Variants in SMARCD1 observed in about 807,000 individuals in gnomAD.
SMARCD1 encodes the protein SWI/SNF related BAF chromatin remodeling complex subunit D1, also known as SWI/SNF-related matrix-associated actin-dependent regulator of chromatin subfamily D member 1.
A neutral mutation model predicts 70.8 loss-of-function variants in SMARCD1; 16 were observed. The ratio of observed to expected loss-of-function variants is 0.23; its 90% confidence interval spans 0.15 to 0.34. The LOEUF is 0.34. Ranked by LOEUF, SMARCD1 falls within the 10% of genes least tolerant of loss-of-function variation. The pLI, the probability that SMARCD1 is intolerant of heterozygous loss-of-function variation, is 1.00. For synonymous variants in SMARCD1, 249 were observed against 246.0 expected, an observed-to-expected ratio of 1.01 and a Z score of -0.11; for missense variants, 409 against 655.5, an observed-to-expected ratio of 0.62 and a Z score of 4.11.
rs974744130 is a variant in SMARCD1 at position 50,100,549 on chromosome 12, T to A, written c.*1549T>A. 6.6e-6 allele frequency: 1 copy of A among 152,622 alleles called. No homozygotes were observed. The highest frequency in any genetic ancestry group is 6.5e-5 in the Admixed American group (1 of 15,286). The allele number at this position is 152,622 out of a possible 1,614,324, so 9.5% of individuals were successfully genotyped here. A position where few individuals can be genotyped will look rare whatever the true frequency, so the allele number is the denominator to read the frequency against. On this transcript the variant is annotated 3_prime_UTR_variant, in exon 13 of 13. Coordinates refer to ENST00000394963, the MANE Select transcript of SMARCD1 (RefSeq NM_003076.5). ...CACAGTGTCCCTGTTGATAACTGTT[T>A]TTATTAACTGAATTGTTTTTTTCAT...
chr12:50,087,289 G>T (rs1950800359), intron 4 of SMARCD1, 74 bp from the exon 5 acceptor site: 1 of 1,564,062 alleles, frequency 6.4e-7, no homozygotes, highest in Non-Finnish European at 8.7e-7. Flanking sequence ...GTAATTTTGG[G>T]GTTTGGGGAG....
At chr12:50,093,175 A>G (rs950874834) in intron 9 of SMARCD1, among the ~76,000 whole-genome samples, 2 of 144,324 alleles carry the variant, frequency 1.4e-5, no homozygotes, top group African/African-American at 2.5e-5. Context: ...GACTCCATCT[A>G]AAAAAAAAAA....
In SMARCD1 at chr12:50,088,567, C is replaced by T; in HGVS notation, c.701C>T (p.Ser234Phe). The T allele has an allele frequency of 6.2e-7, 1 of 1,611,538 alleles. No homozygotes were observed. The highest frequency in any genetic ancestry group is 8.5e-7 in the Non-Finnish European group (1 of 1,178,532). ...GCCACTAAACAAAAGAGGAAGTTCT[C>T]TTCCTTTTTTAAGTCCTTGGTGATT... ...YDATKQKRKF[S>F]SFFKSLVIEL... Residue 234 changes from serine (S) to phenylalanine (F), a missense_variant, in exon 6 of 13, where the codon TCT (serine) becomes TTT (phenylalanine). Physicochemically the swap from Ser to Phe is radical, Grantham distance 155. Around this residue, in one of 2 missense-constraint regions of SMARCD1, gnomAD observed 269 missense variants for 498.6 expected, o/e 0.54. Transcript: ENST00000394963.
At chr12:50,086,997 T>G in intron 4 of SMARCD1, 119 bp downstream of exon 4, 3 of 1,035,434 alleles carry the variant, frequency 2.9e-6, no homozygotes, top group Non-Finnish European at 4.3e-6. Context: ...ATTGCATCTC[T>G]CCCTTCCGCC....
At chr12:50,086,374 G>A (rs762440581) in intron 2 of SMARCD1, 26 bp downstream of exon 2, 3 of 1,482,770 alleles carry the variant, frequency 2.0e-6, no homozygotes, top group Non-Finnish European at 2.8e-6. Flanking sequence ...GGCAGAGGGA[G>A]GGAGGGAGGG....
chr12:50,099,149 A>G lies in SMARCD1; in HGVS notation c.*149A>G, dbSNP rs183342974. On this transcript the variant is annotated 3_prime_UTR_variant, in exon 13 of 13. Transcript: ENST00000394963. Reference sequence around the variant, plus strand: ...AACACCAGAATGAAGAGGGTCTCACAAGACACCTGTTATCCTCTTCTTTCA... The same window carrying G: ...AACACCAGAATGAAGAGGGTCTCACGAGACACCTGTTATCCTCTTCTTTCA... 5.6e-4 allele frequency: 387 copies of G among 693,462 alleles called. 5 individuals are homozygous for G. The highest frequency in any genetic ancestry group is 5.0e-3 in the South Asian group (305 of 61,052). The allele number at this position is 693,462 out of a possible 1,614,324, so 43.0% of individuals were successfully genotyped here.
rs1236760337 is a variant in SMARCD1 at position 50,099,349 on chromosome 12, A to T, written c.*349A>T. On this transcript the variant is annotated 3_prime_UTR_variant, in exon 13 of 13. Transcript: ENST00000394963. Reference sequence around the variant, plus strand: ...AGGTGGTCTTCAAGGGGACCAGCTAACTGATCCTGCCCTTCAGAGACCCAG... The same window carrying T: ...AGGTGGTCTTCAAGGGGACCAGCTATCTGATCCTGCCCTTCAGAGACCCAG... The T allele has an allele frequency of 2.1e-6, 1 of 478,662 alleles. No homozygotes were observed. Among genetic ancestry groups the T allele is most frequent in the Non-Finnish European group, 3.7e-6 (1 of 272,452 alleles). The allele number at this position is 478,662 out of a possible 1,614,324, so 29.7% of individuals were successfully genotyped here.
chr12:50,090,571 A>G lies in SMARCD1; in HGVS notation c.1114A>G (p.Ile372Val), dbSNP rs2137884644. Reference sequence around the variant, plus strand: ...CTTGCTTATGCCACCAGAACCTATCATCATTAATCATGTCATCAGGTAGGC... The same window carrying G: ...CTTGCTTATGCCACCAGAACCTATCGTCATTAATCATGTCATCAGGTAGGC... ...HALLMPPEPI[I>V]INHVISVDPN... Residue 372 changes from isoleucine to valine, a missense_variant, in exon 9 of 13, where the codon ATC becomes GTC. Ile to Val is a conservative substitution (Grantham distance 29). Coordinates refer to ENST00000394963, the MANE Select transcript of SMARCD1 (RefSeq NM_003076.5). 1 of 1,613,380 alleles carries G rather than the reference A, an allele frequency of 6.2e-7. No homozygotes were observed. The highest frequency in any genetic ancestry group is 8.5e-7 in the Non-Finnish European group (1 of 1,179,390).
chr12:50,088,223 T>G, intron 5 of SMARCD1: 1 of 700,904 alleles, frequency 1.4e-6, no homozygotes, highest in South Asian at 1.5e-5. Context: ...TTTTCTCTGT[T>G]CAAACTCGCT....
intron 10 of SMARCD1, among the ~76,000 whole-genome samples, chr12:50,096,081 G>A (rs1292310856): frequency 6.6e-6 from 1 of 152,214 alleles, no homozygotes; most frequent in Non-Finnish European, 1.5e-5. Flanking sequence ...AGTAATCCAT[G>A]TGAGACGTGT....
intron 5 of SMARCD1, chr12:50,088,244 C>A: frequency 1.4e-6 from 1 of 702,154 alleles, no homozygotes; most frequent in Non-Finnish European, 2.6e-6. Flanking sequence ...TAGTTATGTG[C>A]AATGGTTTGC....
intron 9 of SMARCD1, among the ~76,000 whole-genome samples, chr12:50,093,318 A>G (rs1275374891): frequency 2.7e-5 from 4 of 149,772 alleles, no homozygotes; most frequent in Admixed American, 1.3e-4. Flanking sequence ...CCTCCCAAGT[A>G]GTTGTAATTA....
chr12:50,091,822 G>A (rs867868712), intron 9 of SMARCD1, among the ~76,000 whole-genome samples: 30 of 150,966 alleles, frequency 2.0e-4, no homozygotes, highest in South Asian at 4.2e-4. Flanking sequence ...CAGGTGATCC[G>A]CCCACCTGGC....
At chr12:50,089,556 A>G (rs1049270043) in intron 6 of SMARCD1, 2 of 212,874 alleles carry the variant, frequency 9.4e-6, no homozygotes, top group East Asian at 1.0e-4. Context: ...AATCCAGGTA[A>G]ATGTCTTAGA....
intron 9 of SMARCD1, among the ~76,000 whole-genome samples, chr12:50,092,911 C>T (rs1488677668): frequency 2.0e-5 from 3 of 152,002 alleles, no homozygotes; most frequent in African/African-American, 4.8e-5. Context: ...GGCGCAGTGG[C>T]TCACGTCTGT....
chr12:50,093,572 C>T (rs1486179122), intron 9 of SMARCD1, among the ~76,000 whole-genome samples: 1 of 152,134 alleles, frequency 6.6e-6, no homozygotes, highest in Non-Finnish European at 1.5e-5. Flanking sequence ...CATCCTCGAC[C>T]TCCTGGGCTC....
intron 10 of SMARCD1, 62 bp downstream of exon 10, chr12:50,094,634 C>T (rs1950876289): frequency 2.0e-6 from 3 of 1,500,338 alleles, no homozygotes; most frequent in Non-Finnish European, 2.7e-6. Context: ...TCAAGGCCTC[C>T]TTTTGATTCT....
At chr12:50,090,104 C>T (rs768688608) in intron 7 of SMARCD1, 119 bp downstream of exon 7, 7 of 1,266,464 alleles carry the variant, frequency 5.5e-6, no homozygotes, top group Non-Finnish European at 7.9e-6. Flanking sequence ...GAGATAGAGT[C>T]TTAGTCATCT....
chr12:50,088,729 A>G (rs1950814637), intron 6 of SMARCD1, 92 bp downstream of exon 6: 8 of 696,538 alleles, frequency 1.1e-5, no homozygotes, highest in Non-Finnish European at 2.0e-5. Flanking sequence ...GGGGAGGTAT[A>G]AAGTAGTCAC....
Sources: allele counts gnomAD v4.1 joint callset (sites outside exome capture counted in the v4.1 genomes callset), GRCh38; gene constraint gnomAD v4.1.1; regional missense constraint gnomAD v4.1.1; transcripts MANE v1.5; gene names NCBI Gene and HGNC (gene_info 2026-07-23, HGNC 2026-07-21).